ATL3: variants seen among roughly 807,000 people sequenced by gnomAD.
ATL3 encodes the protein atlastin-3.
Under a neutral mutation model 69.5 loss-of-function variants are expected in ATL3, and 49 were observed. That is an observed-to-expected ratio of 0.71 (90% confidence interval 0.56 to 0.89). The LOEUF is 0.89. Among genes scored for constraint, ATL3 ranks in the 40% least tolerant of loss-of-function variants. The probability of loss-of-function intolerance (pLI) is 0.00; values close to 1 mark genes in which losing one functional copy is unlikely to be tolerated. For synonymous variants in ATL3, 214 were observed against 224.1 expected (o/e 0.95, Z 0.40); for missense variants, 606 against 645.7 (o/e 0.94, Z 0.67).
At chr11:63,646,610 T>C (rs528156449) in intron 5 of ATL3, 47 bp from the exon 6 acceptor site, 1 of 1,306,474 alleles carries the variant, frequency 7.7e-7, no homozygotes, top group South Asian at 1.3e-5. Flanking sequence ...TTACTTAAAA[T>C]AGTTCTATGG....
chr11:63,661,058 C>G (rs1241265977), intron 1 of ATL3, among the ~76,000 whole-genome samples: 1 of 147,056 alleles, frequency 6.8e-6, no homozygotes, highest in Admixed American at 6.8e-5. Context: ...TATAAAAATA[C>G]AGAAAAAAAA....
intron 10 of ATL3, among the ~76,000 whole-genome samples, chr11:63,634,778 G>A (rs562590215): frequency 2.6e-5 from 4 of 152,220 alleles, no homozygotes; most frequent in South Asian, 4.1e-4. Flanking sequence ...TTAGCACTTC[G>A]GGAAGCTGAG....
At chr11:63,654,612 C>T (rs576391669) in intron 3 of ATL3, among the ~76,000 whole-genome samples, 2 of 150,254 alleles carry the variant, frequency 1.3e-5, no homozygotes, top group African/African-American at 2.4e-5. Flanking sequence ...TGGTCAGACT[C>T]GTCTTGAACT....
chr11:63,636,224 G>T lies in ATL3; in HGVS notation c.961C>A (p.Leu321Ile), dbSNP rs1293763136. 6.2e-7 allele frequency: 1 copy of T among 1,613,938 alleles called. No homozygotes were observed. The highest frequency in any genetic ancestry group is 8.5e-7 in the Non-Finnish European group (1 of 1,179,960). The change falls in exon 9 of 13, where the codon CTA (leucine) becomes ATA (isoleucine). Residue 321 changes from leucine (L) to isoleucine (I), a missense_variant. Transcript: ENST00000398868. ...INGSKVTCRG[L>I]LEYFKAYIKI... ...ATATTTACCTTAAAATACTCCAGTA[G>T]TCCCCGACAGGTGACCTTTGAGCCA... is the stretch of plus-strand genomic sequence containing the variant.
intron 1 of ATL3, among the ~76,000 whole-genome samples, chr11:63,664,654 G>A (rs1375551715): frequency 5.4e-5 from 8 of 147,854 alleles, no homozygotes; most frequent in East Asian, 2.0e-4. Context: ...ACGGAGTCTC[G>A]CTCTGTTGCC....
chr11:63,670,997 T>A (rs1590751166), intron 1 of ATL3, among the ~76,000 whole-genome samples: 1 of 152,152 alleles, frequency 6.6e-6, no homozygotes, highest in South Asian at 2.1e-4. Flanking sequence ...CAGGGGCAGC[T>A]GCAGCCCAGG....
At chr11:63,631,688 G>C (rs1329528166) in intron 11 of ATL3, among the ~76,000 whole-genome samples, 1 of 152,166 alleles carries the variant, frequency 6.6e-6, no homozygotes, top group Non-Finnish European at 1.5e-5. Context: ...ATTGGAAAGA[G>C]CAGTGACACT....
chr11:63,669,301 G>C (rs980601403), intron 1 of ATL3, among the ~76,000 whole-genome samples: 2 of 152,026 alleles, frequency 1.3e-5, no homozygotes, highest in Non-Finnish European at 2.9e-5. Flanking sequence ...TTGGGAGGCC[G>C]AGCTAGGAGG....
At chr11:63,640,724 C>A (rs1365193487) in intron 8 of ATL3, among the ~76,000 whole-genome samples, 1 of 151,352 alleles carries the variant, frequency 6.6e-6, no homozygotes, top group East Asian at 1.9e-4. Flanking sequence ...CCTGCCTCAG[C>A]CTCCCAAGTA....
At chr11:63,660,995 C>T (rs1421442379) in intron 1 of ATL3, among the ~76,000 whole-genome samples, 1 of 151,650 alleles carries the variant, frequency 6.6e-6, no homozygotes, top group Admixed American at 6.6e-5. Context: ...AAGCTGATCA[C>T]TTGAGGTCAG....
chr11:63,630,965 A>G, intron 12 of ATL3, 75 bp downstream of exon 12: 2 of 1,454,302 alleles, frequency 1.4e-6, no homozygotes, highest in Non-Finnish European at 1.8e-6. Flanking sequence ...ATTCTTCCAA[A>G]CTGAGATATT....
chr11:63,665,204 G>A (rs568878523), intron 1 of ATL3, among the ~76,000 whole-genome samples: 12 of 152,258 alleles, frequency 7.9e-5, no homozygotes, highest in South Asian at 6.2e-4. Context: ...AATTAGCTGG[G>A]CGTGGTGGCA....
chr11:63,640,708 G>A lies in ATL3; in HGVS notation c.850+2649C>T, dbSNP rs181827480. 1.3e-3 allele frequency among the ~76,000 whole-genome samples: 196 copies of A among 148,108 alleles called. 2 individuals carry two copies. Among genetic ancestry groups the A allele is most frequent in the Non-Finnish European group, 1.6e-4 (11 of 67,538 alleles). Reference sequence around the variant, plus strand: ...CAACCTCTGCCTCCCAGATTCAGGCGATTCTCCTGCCTCAGCCTCCCAAGT... The same window carrying A: ...CAACCTCTGCCTCCCAGATTCAGGCAATTCTCCTGCCTCAGCCTCCCAAGT... On this transcript the variant is annotated intron_variant, in intron 8 of 12. Transcript: ENST00000398868.
At chr11:63,658,999 G>T (rs776258243) in intron 2 of ATL3, 39 bp downstream of exon 2, 1 of 1,606,818 alleles carries the variant, frequency 6.2e-7, no homozygotes, top group Non-Finnish European at 8.5e-7. Context: ...GGACATTAAA[G>T]TCTCACTTTT....
chr11:63,632,859 CAAAG>C (rs1391834831), intron 11 of ATL3, 163 bp downstream of exon 11: 4 of 767,970 alleles, frequency 5.2e-6, no homozygotes, highest in Non-Finnish European at 8.5e-6. Flanking sequence ...AACAAACAAA[CAAAG>C]AAATGGTAAT....
In ATL3 at chr11:63,651,263, G is replaced by A. The variant is rs887685270; in HGVS notation, c.561+673C>T. Among the ~76,000 whole-genome samples the A allele has an allele frequency of 7.2e-5, 11 of 152,120 alleles. No homozygotes were observed. The East Asian group carries it at 7.7e-4, about 11-fold the overall frequency. Reference sequence around the variant, plus strand: ...CGAGGTCAACAATTTGAGACCAGCCGGACCGACATGGTGAAACCCCGTCTC... The same window carrying A: ...CGAGGTCAACAATTTGAGACCAGCCAGACCGACATGGTGAAACCCCGTCTC... On this transcript the variant is annotated intron_variant, in intron 5 of 12. Transcript: ENST00000398868.
At chr11:63,650,080 T>C (rs1565277599) in intron 5 of ATL3, among the ~76,000 whole-genome samples, 1 of 152,138 alleles carries the variant, frequency 6.6e-6, no homozygotes, top group Non-Finnish European at 1.5e-5. Flanking sequence ...TCCAAATGAA[T>C]TTCACAACAA....
Position 63,624,986 on chromosome 11 carries a change from C to T in ATL3, c.*4333G>A, listed in dbSNP as rs943068744. On this transcript the variant is annotated 3_prime_UTR_variant, in exon 13 of 13. Transcript: ENST00000398868. The stretch of plus-strand genomic sequence containing the variant: ...AAGTGATGACTCCAGGACCACAGCC[C>T]ATACCACCTGAGGCAATCCCTGGGT... The T allele has an allele frequency of 6.6e-6, 1 of 152,144 alleles. No homozygotes were observed. The highest frequency in any genetic ancestry group is 1.5e-5 in the Non-Finnish European group (1 of 68,020). 9.4% of individuals were successfully genotyped at this position (152,144 alleles called of 1,614,324 possible). A position where few individuals can be genotyped will look rare whatever the true frequency, so the allele number is the denominator to read the frequency against.
chr11:63,656,363 A>T (rs1940248053), intron 3 of ATL3, among the ~76,000 whole-genome samples: 1 of 152,158 alleles, frequency 6.6e-6, no homozygotes, highest in African/African-American at 2.4e-5. Flanking sequence ...AATTTAAAGA[A>T]AAAAGCAACC....
Sources: allele counts gnomAD v4.1 joint callset (sites outside exome capture counted in the v4.1 genomes callset), GRCh38; gene constraint gnomAD v4.1.1; transcripts MANE v1.5; gene names NCBI Gene and HGNC (gene_info 2026-07-23, HGNC 2026-07-21).